Variants in MACROD2 observed in about 807,000 individuals in gnomAD.
The protein encoded by MACROD2 is ADP-ribose glycohydrolase MACROD2.
Under a neutral mutation model 70.4 loss-of-function variants are expected in MACROD2, and 36 were observed. The ratio of observed to expected loss-of-function variants is 0.51; its 90% CI spans 0.39 to 0.68. The LOEUF is 0.68. Ranked by LOEUF, MACROD2 falls within the 30% of genes least tolerant of loss-of-function variation. The pLI is 0.00. For missense variants in MACROD2, 496 were observed against 538.4 expected, an observed-to-expected ratio of 0.92 and a Z score of 0.78; for synonymous variants, 172 against 178.8, an observed-to-expected ratio of 0.96 and a Z score of 0.30.
chr20:14,649,245 G>C (rs1018404739), intron 4 of MACROD2, among the ~76,000 whole-genome samples: 2 of 152,164 alleles, frequency 1.3e-5, no homozygotes, highest in African/African-American at 4.8e-5. Context: ...CATGAAGTAT[G>C]GACTGTCTGG....
intron 3 of MACROD2, among the ~76,000 whole-genome samples, chr20:14,317,806 A>G (rs1486082862): frequency 6.6e-6 from 1 of 152,134 alleles, no homozygotes; most frequent in Non-Finnish European, 1.5e-5. Flanking sequence ...TTTCTGAAAA[A>G]TAGGGATAAT....
chr20:16,034,284 C>T (rs1156346991), intron 15 of MACROD2, among the ~76,000 whole-genome samples: 1 of 151,968 alleles, frequency 6.6e-6, no homozygotes. Flanking sequence ...GTATAGTGTA[C>T]CGTGGACTCA....
intron 3 of MACROD2, among the ~76,000 whole-genome samples, chr20:14,226,589 C>T (rs563166797): frequency 2.0e-5 from 3 of 152,274 alleles, no homozygotes; most frequent in South Asian, 4.1e-4. Flanking sequence ...GCTTGGCGGG[C>T]CGCGCACTCG....
intron 6 of MACROD2, among the ~76,000 whole-genome samples, chr20:15,413,891 G>A (rs79602044): frequency 0.029 from 4,402 of 152,184 alleles, 228 homozygotes; most frequent in African/African-American, 0.1. Flanking sequence ...AGCTCACACA[G>A]AAAAGCACCT....
chr20:14,791,035 G>A (rs1222456119), intron 5 of MACROD2, among the ~76,000 whole-genome samples: 1 of 152,086 alleles, frequency 6.6e-6, no homozygotes, highest in Non-Finnish European at 1.5e-5. Flanking sequence ...GAGAGGCAGG[G>A]CAGCCGCAGG....
intron 12 of MACROD2, among the ~76,000 whole-genome samples, chr20:15,960,204 G>C (rs2066039829): frequency 6.6e-6 from 1 of 152,174 alleles, no homozygotes; most frequent in African/African-American, 2.4e-5. Context: ...GTGTCTGTTG[G>C]TCAAGCAAGA....
intron 5 of MACROD2, among the ~76,000 whole-genome samples, chr20:14,787,764 A>G (rs2072392827): frequency 6.6e-6 from 1 of 152,072 alleles, no homozygotes; most frequent in African/African-American, 2.4e-5. Context: ...GAGCAGAATT[A>G]TTCCTCTTTA....
At chr20:14,790,009 G>C (rs2072430386) in intron 5 of MACROD2, among the ~76,000 whole-genome samples, 1 of 152,122 alleles carries the variant, frequency 6.6e-6, no homozygotes, top group Admixed American at 6.5e-5. Context: ...TACTTAGGAT[G>C]CTAAAATATG....
At chr20:14,301,048 G>T (rs541511525) in intron 3 of MACROD2, among the ~76,000 whole-genome samples, 2 of 152,078 alleles carry the variant, frequency 1.3e-5, no homozygotes, top group African/African-American at 4.8e-5. Context: ...GTTAACACTC[G>T]CCACGATCCT....
intron 3 of MACROD2, among the ~76,000 whole-genome samples, chr20:14,259,979 A>T (rs1419449869): frequency 1.3e-5 from 2 of 152,214 alleles, no homozygotes; most frequent in Non-Finnish European, 2.9e-5. Flanking sequence ...GTGGTTGGGG[A>T]CAAGTGTGCT....
intron 5 of MACROD2, among the ~76,000 whole-genome samples, chr20:14,854,744 C>T (rs551101685): frequency 7.2e-5 from 11 of 152,262 alleles, no homozygotes; most frequent in Admixed American, 3.3e-4. Context: ...GGGCCGGGCA[C>T]GATGGCTCAC....
At chr20:14,497,329 T>C (rs79227669) in intron 4 of MACROD2, among the ~76,000 whole-genome samples, 1,699 of 151,852 alleles carry the variant, frequency 0.011, 21 homozygotes, top group Non-Finnish European at 0.017. Context: ...TGTTCACCCA[T>C]CTGTAATAAG....
chr20:14,745,170 T>C (rs1226426408), intron 5 of MACROD2, among the ~76,000 whole-genome samples: 2 of 152,156 alleles, frequency 1.3e-5, no homozygotes, highest in Non-Finnish European at 2.9e-5. Context: ...TGAAATTGAG[T>C]ACCTTGACTT....
chr20:14,990,638 C>T (rs1186916292), intron 5 of MACROD2, among the ~76,000 whole-genome samples: 1 of 151,792 alleles, frequency 6.6e-6, no homozygotes, highest in Non-Finnish European at 1.5e-5. Context: ...CTCAGCCTCC[C>T]AAGTAGCAGG....
At chr20:15,565,129 CTGTT>C (rs2048293788) in intron 8 of MACROD2, among the ~76,000 whole-genome samples, 8 of 152,194 alleles carry the variant, frequency 5.3e-5, no homozygotes, top group African/African-American at 2.4e-5. Context: ...CCACCAAGAG[CTGTT>C]ACGTGACCGC....
chr20:14,847,331 T>C (rs760334806), intron 5 of MACROD2, among the ~76,000 whole-genome samples: 3 of 152,128 alleles, frequency 2.0e-5, no homozygotes, highest in Non-Finnish European at 4.4e-5. Context: ...TTTTCGACCT[T>C]AAGTTTGCTG....
chr20:14,723,776 T>C (rs2071496917), intron 5 of MACROD2, among the ~76,000 whole-genome samples: 2 of 151,924 alleles, frequency 1.3e-5, no homozygotes, highest in African/African-American at 2.4e-5. Context: ...CTGTGGGCCA[T>C]TGTGACTCAG....
chr20:14,989,640 T>G (rs181273433), intron 5 of MACROD2, among the ~76,000 whole-genome samples: 161 of 152,156 alleles, frequency 1.1e-3, no homozygotes, highest in Admixed American at 3.7e-3. Flanking sequence ...TACCACCCAT[T>G]TTTGCACTAA....
intron 3 of MACROD2, among the ~76,000 whole-genome samples, chr20:14,205,543 C>A (rs866236460): frequency 6.6e-6 from 1 of 152,160 alleles, no homozygotes. Context: ...CGCATGCGGG[C>A]CCTTAGTCTG....
Sources: gnomAD v4.1 joint callset for allele counts (sites outside exome capture counted in the v4.1 genomes callset) on GRCh38, gnomAD v4.1.1 for gene constraint, MANE v1.5 for transcripts, NCBI Gene and HGNC (gene_info 2026-07-23, HGNC 2026-07-21) for gene names.